Variants in PCDHA9 observed in about 807,000 individuals in gnomAD.
PCDHA9 encodes the protein protocadherin alpha-9.
A neutral mutation model predicts 62.0 loss-of-function variants in PCDHA9; 62 were observed. The observed-to-expected ratio is 1.00, with a 90% CI of 0.81 to 1.23. The LOEUF is 1.23. PCDHA9 is among the 50% of genes most tolerant of loss of function. PCDHA9 has a pLI of 0.00. For synonymous variants in PCDHA9, 557 were observed against 567.6 expected (o/e 0.98, Z 0.27); for missense variants, 1,205 against 1,249.8 (o/e 0.96, Z 0.54).
intron 1 of PCDHA9, among the ~76,000 whole-genome samples, chr5:140,918,303 G>C (rs2078625601): frequency 6.6e-6 from 1 of 152,112 alleles, no homozygotes; most frequent in Non-Finnish European, 1.5e-5. Flanking sequence ...AGAATATAGG[G>C]TTTTCTAGGT....
At chr5:140,990,737 C>T (rs2097410697) in intron 3 of PCDHA9, among the ~76,000 whole-genome samples, 1 of 152,162 alleles carries the variant, frequency 6.6e-6, no homozygotes, top group African/African-American at 2.4e-5. Context: ...ATCAACAGCC[C>T]TAGGGTGGAT....
At chr5:140,925,286 A>G (rs545624226) in intron 1 of PCDHA9, among the ~76,000 whole-genome samples, 9 of 152,288 alleles carry the variant, frequency 5.9e-5, no homozygotes, top group African/African-American at 2.2e-4. Context: ...TTGCCTTTCA[A>G]ATGTTTCATT....
chr5:140,875,134 T>G (rs2055288976), intron 1 of PCDHA9, among the ~76,000 whole-genome samples: 1 of 152,238 alleles, frequency 6.6e-6, no homozygotes, highest in Admixed American at 6.5e-5. Flanking sequence ...TAAACCCGCA[T>G]TTATAAATGA....
At chr5:140,859,846 T>C (rs1156718746) in intron 1 of PCDHA9, 1 of 152,114 alleles carries the variant, frequency 6.6e-6, no homozygotes. Context: ...TTTTATCAAA[T>C]AGGTTTATGA....
intron 1 of PCDHA9, chr5:140,877,658 T>G: frequency 6.2e-7 from 1 of 1,613,486 alleles, no homozygotes. Context: ...CCGCCCACCG[T>G]GAGCCGGTGC....
In PCDHA9 at chr5:140,883,112, A is replaced by G. The variant is rs141106500; in HGVS notation, c.2394+32223A>G. 408 of 1,614,156 alleles carry G rather than the reference A, an allele frequency of 2.5e-4. 3 individuals are homozygous for G. In the African/African-American group the frequency reaches 5.1e-3, roughly 20 times the overall value. ...AAATGGAGATATAGTTTACTCATTTAGAAGGCCTGTATGGCCTGCAGTGGT... is the reference window on the plus strand; with the variant it reads ...AAATGGAGATATAGTTTACTCATTTGGAAGGCCTGTATGGCCTGCAGTGGT... On this transcript the variant is annotated intron_variant, in intron 1 of 3. Coordinates refer to ENST00000532602, the MANE Select transcript of PCDHA9 (RefSeq NM_031857.2).
intron 1 of PCDHA9, among the ~76,000 whole-genome samples, chr5:140,948,500 T>C (rs1482428616): frequency 6.6e-6 from 1 of 151,662 alleles, no homozygotes; most frequent in Non-Finnish European, 1.5e-5. Context: ...TCATAGACTT[T>C]CTATTAAAAA....
At chr5:140,935,127 T>C (rs1223390448) in intron 1 of PCDHA9, among the ~76,000 whole-genome samples, 1 of 152,170 alleles carries the variant, frequency 6.6e-6, no homozygotes, top group Non-Finnish European at 1.5e-5. Flanking sequence ...TTATTTTTAG[T>C]GAAAGATGAT....
intron 1 of PCDHA9, chr5:140,882,941 A>G (rs2059372388): frequency 6.2e-7 from 1 of 1,614,128 alleles, no homozygotes; most frequent in African/African-American, 1.3e-5. Context: ...GCTGACTGGC[A>G]CAGTTCAGCT....
At chr5:140,969,149 G>T (rs782510891) in intron 1 of PCDHA9, 9 of 1,614,120 alleles carry the variant, frequency 5.6e-6, no homozygotes, top group Admixed American at 1.7e-5. Context: ...CTGCTACAAG[G>T]CCTGTCTGAC....
At chr5:140,960,064 T>G (rs1352718360) in intron 1 of PCDHA9, among the ~76,000 whole-genome samples, 1 of 152,208 alleles carries the variant, frequency 6.6e-6, no homozygotes, top group Admixed American at 6.5e-5. Flanking sequence ...TACAGAAGAT[T>G]CAATTGAAGT....
intron 3 of PCDHA9, among the ~76,000 whole-genome samples, chr5:140,994,795 G>A (rs2097650396): frequency 6.6e-6 from 1 of 152,184 alleles, no homozygotes; most frequent in Admixed American, 6.6e-5. Flanking sequence ...ATGCGTGCAT[G>A]CAAAAACAAA....
At chr5:140,929,492 G>A in intron 1 of PCDHA9, 1 of 1,062,164 alleles carries the variant, frequency 9.4e-7, no homozygotes, top group Non-Finnish European at 1.3e-6. Context: ...AGTATTAGAA[G>A]ATTGCCCTAG....
At chr5:140,964,753 T>A (rs1411001872) in intron 1 of PCDHA9, among the ~76,000 whole-genome samples, 1 of 149,084 alleles carries the variant, frequency 6.7e-6, no homozygotes, top group East Asian at 1.9e-4. Context: ...TGTAGGGATG[T>A]TTGGGGAGGA....
rs782226531 is a variant in PCDHA9, at chr5:140,928,688, A to G, written c.2395-50261A>G. 6 of 1,614,004 alleles carry G rather than the reference A, an allele frequency of 3.7e-6. No homozygotes were observed. The African/African-American group carries it at 4.0e-5, about 11-fold the overall frequency. The stretch of plus-strand genomic sequence containing the variant: ...GGTTCTAATGCCTGGCTTTCCTACC[A>G]CATCTCCCGGGCGTCTGACTCTAGT... On this transcript the variant is annotated intron_variant, in intron 1 of 3. Transcript: ENST00000532602.
At chr5:140,957,191 T>C (rs1302296413) in intron 1 of PCDHA9, among the ~76,000 whole-genome samples, 1 of 152,150 alleles carries the variant, frequency 6.6e-6, no homozygotes, top group Non-Finnish European at 1.5e-5. Flanking sequence ...TGATGACCGA[T>C]TGGGAATATA....
intron 3 of PCDHA9, among the ~76,000 whole-genome samples, chr5:140,985,689 C>A (rs1237077456): frequency 6.6e-6 from 1 of 151,906 alleles, no homozygotes; most frequent in African/African-American, 2.4e-5. Flanking sequence ...TTACGCTAAT[C>A]CTCGTTCATA....
chr5:140,856,991 T>TA lies in PCDHA9; in HGVS notation c.2394+6103dup, dbSNP rs781903903. ...TATTGACTTTGAGGACAGTAACACT[T>TA]ATGAAATTCATGTAGATGTTACAGA... On this transcript the variant is annotated intron_variant, in intron 1 of 3. Transcript: ENST00000532602. 5.6e-6 allele frequency: 9 copies of TA among 1,595,654 alleles called. No homozygotes were observed. The East Asian group carries it at 1.8e-4, about 32-fold the overall frequency.
intron 1 of PCDHA9, among the ~76,000 whole-genome samples, chr5:140,873,375 T>G (rs251375): frequency 0.44 from 67,180 of 152,024 alleles, 15,319 homozygotes; most frequent in South Asian, 0.58. Flanking sequence ...GAAGATCTTT[T>G]AAAGACTTGG....
Sources: gnomAD v4.1 joint callset for allele counts (sites outside exome capture counted in the v4.1 genomes callset) on GRCh38, gnomAD v4.1.1 for gene constraint, MANE v1.5 for transcripts, NCBI Gene and HGNC (gene_info 2026-07-23, HGNC 2026-07-21) for gene names.